The following KLHL13 variants were observed in gnomAD, a reference collection of about 807,000 sequenced individuals.
KLHL13 encodes the protein kelch like family member 13.
Under a neutral mutation model 37.1 loss-of-function variants are expected in KLHL13, and 10 were observed. The observed-to-expected ratio is 0.27, with a 90% CI of 0.17 to 0.46. The LOEUF (loss-of-function observed/expected upper bound fraction) is 0.46, where lower values mean the gene tolerates loss of function less well. Among genes scored for constraint, KLHL13 ranks in the 20% least tolerant of loss-of-function variants. The probability of loss-of-function intolerance (pLI) is 1.00; values close to 1 mark genes in which losing one functional copy is unlikely to be tolerated. For missense variants in KLHL13, 360 were observed against 509.3 expected, an observed-to-expected ratio of 0.71 and a Z score of 2.82; for synonymous variants, 163 against 181.2, an observed-to-expected ratio of 0.90 and a Z score of 0.81.
chrX:117,966,755 A>G (rs1292105480), intron 1 of KLHL13, among the ~76,000 whole-genome samples: 1 of 111,559 alleles, frequency 9.0e-6, no homozygotes, highest in African/African-American at 3.3e-5. Flanking sequence ...AAATAATGCC[A>G]CATATCTACA....
intron 1 of KLHL13, among the ~76,000 whole-genome samples, chrX:117,994,259 CT>C (rs1327079307): frequency 9.2e-6 from 1 of 108,849 alleles, no homozygotes; most frequent in African/African-American, 3.4e-5. Context: ...CCCTTCCTTC[CT>C]TCCCATTTTT....
chrX:118,003,601 A>C (rs941100980), intron 1 of KLHL13, among the ~76,000 whole-genome samples: 40 of 110,955 alleles, frequency 3.6e-4, no homozygotes, highest in African/African-American at 1.2e-3. Context: ...CCAGTAAACA[A>C]ATTAATATTA....
At chrX:117,980,648 C>T (rs1300703656) in intron 1 of KLHL13, among the ~76,000 whole-genome samples, 2 of 111,299 alleles carry the variant, frequency 1.8e-5, no homozygotes, top group Non-Finnish European at 3.8e-5. Flanking sequence ...CTAATTAAGA[C>T]TATTTAACAC....
intron 1 of KLHL13, among the ~76,000 whole-genome samples, chrX:117,953,627 C>T (rs762312455): frequency 6.3e-5 from 7 of 111,269 alleles, no homozygotes; most frequent in African/African-American, 2.3e-4. Flanking sequence ...TAAGGCCTCA[C>T]CATGAGTCTA....
chrX:118,019,484 C>T (rs978072632), intron 1 of KLHL13, among the ~76,000 whole-genome samples: 6 of 110,302 alleles, frequency 5.4e-5, no homozygotes, highest in Admixed American at 9.7e-5. Context: ...TGTGCAGAAG[C>T]TCTTTAGTTG....
chrX:118,091,956 A>C (rs1479749550), intron 1 of KLHL13, among the ~76,000 whole-genome samples: 1 of 112,279 alleles, frequency 8.9e-6, no homozygotes, highest in Non-Finnish European at 1.9e-5. Flanking sequence ...TAACTCAGGA[A>C]TGGAAAACCA....
At chrX:117,974,187 T>C (rs1207848431), upstream of KLHL13, among the ~76,000 whole-genome samples, 2 of 111,796 alleles carry the variant, frequency 1.8e-5, no homozygotes, top group Non-Finnish European at 3.8e-5. Flanking sequence ...AAATGAGTAT[T>C]ATGCTGAACT....
At chrX:118,006,691 T>G (rs1241134866) in intron 1 of KLHL13, among the ~76,000 whole-genome samples, 1 of 111,543 alleles carries the variant, frequency 9.0e-6, no homozygotes, top group Non-Finnish European at 1.9e-5. Context: ...TCATTAATTT[T>G]CAAGACAGGA....
chrX:118,092,166 T>C (rs1253792652), intron 1 of KLHL13, among the ~76,000 whole-genome samples: 5 of 111,684 alleles, frequency 4.5e-5, no homozygotes, highest in South Asian at 3.8e-4. Flanking sequence ...GAAGAACTTA[T>C]TCGTGTAATC....
chrX:118,072,568 C>T (rs2054881890), intron 1 of KLHL13, among the ~76,000 whole-genome samples: 1 of 111,067 alleles, frequency 9.0e-6, no homozygotes, highest in African/African-American at 3.3e-5. Flanking sequence ...AGGAAATTTT[C>T]ACAACCTACT....
intron 1 of KLHL13, among the ~76,000 whole-genome samples, chrX:118,069,149 C>CACACACA (rs1569308000): frequency 4.1e-4 from 33 of 80,885 alleles, no homozygotes; most frequent in African/African-American, 2.4e-3. Context: ...ACACACACAC[C>CACACACA]CTCACCTGAA....
chrX:118,006,585 G>A (rs975001935), intron 1 of KLHL13, among the ~76,000 whole-genome samples: 3 of 112,021 alleles, frequency 2.7e-5, no homozygotes, highest in Admixed American at 1.9e-4. Flanking sequence ...AAAACAAATA[G>A]ACTTAACTCT....
chrX:118,029,668 T>C (rs1569296613), intron 1 of KLHL13, among the ~76,000 whole-genome samples: 2 of 112,412 alleles, frequency 1.8e-5, no homozygotes, highest in Admixed American at 9.5e-5. Flanking sequence ...GCAATTTAGT[T>C]TATTCATAAA....
At chrX:117,926,991 C>T (rs1932085246) in intron 2 of KLHL13, among the ~76,000 whole-genome samples, 1 of 101,495 alleles carries the variant, frequency 9.9e-6, no homozygotes, top group African/African-American at 3.6e-5. Context: ...CTGCAACCTC[C>T]GCCTCCCAGG....
In KLHL13 at chrX:118,035,175, T is replaced by C. The variant is rs761666667; in HGVS notation, c.-56+81333A>G. On this transcript the variant is annotated intron_variant, in intron 1 of 6. Transcript: ENST00000371882. ...TTCTACCAGAGGTACAAGGAGGAACTGGTACCATTCCTTCTGAAACTATTC... is the reference window on the plus strand; with the variant it reads ...TTCTACCAGAGGTACAAGGAGGAACCGGTACCATTCCTTCTGAAACTATTC... 8.5e-5 allele frequency among the ~76,000 whole-genome samples: 9 copies of C among 105,644 alleles called. 1 individual carries two copies. The highest frequency in any genetic ancestry group is 2.7e-4 in the African/African-American group (7 of 25,647). 91.7% of individuals were successfully genotyped at this position (105,644 alleles called of 115,157 possible). A position where few individuals can be genotyped will look rare whatever the true frequency, so the allele number is the denominator to read the frequency against.
chrX:118,062,604 T>C (rs1459606634), intron 1 of KLHL13, among the ~76,000 whole-genome samples: 1 of 110,743 alleles, frequency 9.0e-6, no homozygotes, highest in Non-Finnish European at 1.9e-5. Flanking sequence ...CTAGTACAGT[T>C]GGGCCCTCAC....
At chrX:117,908,399 C>A (rs1042038683) in intron 5 of KLHL13, among the ~76,000 whole-genome samples, 1 of 108,779 alleles carries the variant, frequency 9.2e-6, no homozygotes, top group Non-Finnish European at 1.9e-5. Context: ...CCCTAGCCCC[C>A]CAACCCCAGA....
intron 1 of KLHL13, among the ~76,000 whole-genome samples, chrX:117,965,649 T>A (rs1457265061): frequency 1.8e-5 from 2 of 110,964 alleles, no homozygotes; most frequent in Non-Finnish European, 3.8e-5. Context: ...AATGCAAAAA[T>A]CCTCAATAAA....
intron 1 of KLHL13, among the ~76,000 whole-genome samples, chrX:118,031,782 G>A (rs1008280141): frequency 4.7e-5 from 5 of 107,162 alleles, no homozygotes; most frequent in African/African-American, 1.4e-4. Flanking sequence ...AGCTCCCAGC[G>A]TGAGTGACGC....
Sources: gnomAD v4.1 joint callset for allele counts (sites outside exome capture counted in the v4.1 genomes callset) on GRCh38, gnomAD v4.1.1 for gene constraint, MANE v1.5 for transcripts, NCBI Gene and HGNC (gene_info 2026-07-23, HGNC 2026-07-21) for gene names.